Variants in LAMB1 observed in about 807,000 individuals in gnomAD.
LAMB1 encodes laminin subunit beta 1.
LAMB1 carries 121 observed loss-of-function variants against 222.3 expected under a neutral mutation model. That is an observed-to-expected ratio of 0.54 (90% CI 0.47 to 0.63). LAMB1 has a LOEUF of 0.63. Ranked by LOEUF, LAMB1 falls within the 30% of genes least tolerant of loss-of-function variation. The probability of loss-of-function intolerance (pLI) is 0.00; values close to 1 mark genes in which losing one functional copy is unlikely to be tolerated. For missense variants in LAMB1, 2,172 were observed against 2,240.8 expected (o/e 0.97, Z 0.62); for synonymous variants, 794 against 807.2 (o/e 0.98, Z 0.28).
intron 21 of LAMB1, among the ~76,000 whole-genome samples, chr7:107,954,683 C>A (rs192379260): frequency 1.3e-5 from 2 of 152,188 alleles, no homozygotes; most frequent in East Asian, 3.9e-4. Flanking sequence ...CCCAGCTACT[C>A]GGGAGGCTGA....
chr7:107,961,306 A>G lies in LAMB1; in HGVS notation c.2009T>C (p.Val670Ala), dbSNP rs20555. ...GSRYVVLPRP[V>A]CFEKGTNYTV... Reference sequence around the variant, plus strand: ...GTAGTTTGTTCCCTTCTCAAAGCACACCGGCCGAGGAAGGACGACATATCT... The same window carrying G: ...GTAGTTTGTTCCCTTCTCAAAGCACGCCGGCCGAGGAAGGACGACATATCT... Residue 670 changes from valine to alanine, a missense_variant, in exon 17 of 34, where the codon GTG becomes GCG. By Grantham distance (64) the Val-to-Ala change is moderately conservative (BLOSUM62 0). Coordinates refer to ENST00000222399, the MANE Select transcript of LAMB1 (RefSeq NM_002291.3). 3,692 of 1,614,078 alleles carry G rather than the reference A, an allele frequency of 2.3e-3. 67 individuals are homozygous for G. The African/African-American group carries it at 0.043, about 19-fold the overall frequency.
intron 26 of LAMB1, among the ~76,000 whole-genome samples, chr7:107,936,029 C>T (rs547234265): frequency 6.6e-6 from 1 of 152,300 alleles, no homozygotes; most frequent in Non-Finnish European, 1.5e-5. Flanking sequence ...AATATAGTAG[C>T]CCTCCATATT....
chr7:107,975,250 A>T lies in LAMB1; in HGVS notation c.1353T>A (p.Asp451Glu), dbSNP rs749111587. ...KEGFYDLSSEDPFGCKSCACN... is the reference protein window; with the variant it reads ...KEGFYDLSSEEPFGCKSCACN... ...CAGACCTACATTTACAACCAAATGG[A>T]TCTTCACTGCTTAAATCATAGAAGC... Residue 451 changes from aspartate to glutamate, a missense_variant, in exon 11 of 34, where the codon GAT becomes GAA. Transcript: ENST00000222399. The T allele has an allele frequency of 2.5e-6, 4 of 1,613,292 alleles. No individual in the cohort carries two copies. Among genetic ancestry groups the T allele is most frequent in the South Asian group, 2.2e-5 (2 of 90,838 alleles).
At chr7:107,932,552 C>G in intron 27 of LAMB1, 175 bp from the exon 28 acceptor site, 1 of 618,962 alleles carries the variant, frequency 1.6e-6, no homozygotes, top group Non-Finnish European at 2.9e-6. Context: ...TAGGAGTAAA[C>G]TAACCTGCTT....
At chr7:107,930,986 A>G (rs984393803) in intron 29 of LAMB1, among the ~76,000 whole-genome samples, 2 of 152,210 alleles carry the variant, frequency 1.3e-5, no homozygotes, top group African/African-American at 4.8e-5. Context: ...AACTATAGGT[A>G]TAATATCCTG....
At chr7:107,928,564 C>A (rs1218526925) in intron 31 of LAMB1, among the ~76,000 whole-genome samples, 2 of 151,562 alleles carry the variant, frequency 1.3e-5, no homozygotes, top group African/African-American at 4.9e-5. Flanking sequence ...GTGATCTCAG[C>A]TCATTGCAAC....
In LAMB1 at chr7:107,940,336, G is replaced by A; in HGVS notation, c.3414C>T (p.Gly1138=). Residue 1138 remains glycine, a synonymous_variant, in exon 25 of 34, where the codon GGC becomes GGT. Coordinates refer to ENST00000222399, the MANE Select transcript of LAMB1 (RefSeq NM_002291.3). ...ECRACDCDPR[G]IETPQCDQST... ...ACTGGTCACACTGTGGCGTCTCAATGCCCCTGGGGTCACAGTCACAGGCTA... is the reference window on the plus strand; with the variant it reads ...ACTGGTCACACTGTGGCGTCTCAATACCCCTGGGGTCACAGTCACAGGCTA... The A allele has an allele frequency of 6.2e-7, 1 of 1,613,634 alleles. No homozygotes were observed. The highest frequency in any genetic ancestry group is 8.5e-7 in the Non-Finnish European group (1 of 1,179,588).
intron 27 of LAMB1, 161 bp from the exon 28 acceptor site, chr7:107,932,538 A>T (rs1489477420): frequency 1.5e-6 from 1 of 647,344 alleles, no homozygotes; most frequent in Non-Finnish European, 2.7e-6. Flanking sequence ...AGGAGCAGAG[A>T]GTTTAGGAGT....
intron 13 of LAMB1, 135 bp downstream of exon 13, chr7:107,972,857 C>T (rs1002766574): frequency 2.0e-5 from 14 of 701,714 alleles, no homozygotes; most frequent in Non-Finnish European, 3.1e-5. Context: ...CATAGAGGTA[C>T]CTACACACAT....
At chr7:107,988,025 A>G (rs1158635674) in intron 5 of LAMB1, among the ~76,000 whole-genome samples, 1 of 152,270 alleles carries the variant, frequency 6.6e-6, no homozygotes. Context: ...CATGGATGAT[A>G]CAAAACACAG....
intron 13 of LAMB1, among the ~76,000 whole-genome samples, chr7:107,972,079 A>T (rs1172060935): frequency 1.3e-5 from 2 of 152,148 alleles, no homozygotes; most frequent in Admixed American, 6.5e-5. Context: ...TCCTCTCTGG[A>T]GGTTTTCTAA....
At chr7:107,943,863 C>A (rs2033053158) in intron 24 of LAMB1, among the ~76,000 whole-genome samples, 1 of 152,140 alleles carries the variant, frequency 6.6e-6, no homozygotes, top group South Asian at 2.1e-4. Flanking sequence ...GAAAGAGATA[C>A]CCTTCAAAAG....
At chr7:107,965,074 A>AC (rs1197934020) in intron 13 of LAMB1, among the ~76,000 whole-genome samples, 2 of 152,126 alleles carry the variant, frequency 1.3e-5, no homozygotes, top group African/African-American at 4.8e-5. Flanking sequence ...AGCATCCCAA[A>AC]CCAACGGATC....
At chr7:108,001,890 A>T (rs1178608280) in intron 2 of LAMB1, 157 bp from the exon 3 acceptor site, 8 of 1,471,104 alleles carry the variant, frequency 5.4e-6, no homozygotes, top group Non-Finnish European at 7.2e-6. Flanking sequence ...AGATGAGCGC[A>T]GGAGAGGCTG....
At chr7:107,977,790 T>C (rs1366194537) in intron 9 of LAMB1, among the ~76,000 whole-genome samples, 2 of 151,934 alleles carry the variant, frequency 1.3e-5, no homozygotes, top group Non-Finnish European at 2.9e-5. Flanking sequence ...ACAGATACAA[T>C]GTCAAGGACA....
intron 12 of LAMB1, among the ~76,000 whole-genome samples, chr7:107,973,464 C>G (rs746267858): frequency 2.6e-5 from 4 of 152,088 alleles, no homozygotes; most frequent in African/African-American, 9.7e-5. Flanking sequence ...CAATCCCATA[C>G]AGAAAGCCCT....
chr7:107,955,937 G>A (rs1168817215), intron 20 of LAMB1, among the ~76,000 whole-genome samples: 1 of 151,374 alleles, frequency 6.6e-6, no homozygotes, highest in African/African-American at 2.4e-5. Context: ...GCGCTCTGTT[G>A]CGCAGGCTGG....
intron 32 of LAMB1, among the ~76,000 whole-genome samples, chr7:107,925,163 C>T (rs1244780341): frequency 6.6e-6 from 1 of 152,110 alleles, no homozygotes; most frequent in Non-Finnish European, 1.5e-5. Context: ...GGGAAAGTTA[C>T]TCTTACGTAA....
At position 107,923,977 on chromosome 7, in the gene LAMB1, C is replaced by G; in HGVS notation, c.5335G>C (p.Val1779Leu). The part of the protein sequence containing the change: ...RSLLKDISQK[V>L]AVYSTCL ...TACAAGCATGTGCTATACACAGCAA[C>G]TTTCTGGCTTATATCCTTTAGGAGT... The change falls in exon 34 of 34, where the codon GTT (valine) becomes CTT (leucine). Residue 1779 changes from valine to leucine, a missense_variant. Val to Leu is a conservative substitution (Grantham distance 32). Transcript: ENST00000222399. 3 of 1,609,748 alleles carry G rather than the reference C, an allele frequency of 1.9e-6. No individual in the cohort carries two copies. Among genetic ancestry groups the G allele is most frequent in the Non-Finnish European group, 2.5e-6 (3 of 1,178,922 alleles).
Sources: allele counts gnomAD v4.1 joint callset (sites outside exome capture counted in the v4.1 genomes callset), GRCh38; gene constraint gnomAD v4.1.1; transcripts MANE v1.5; gene names NCBI Gene and HGNC (gene_info 2026-07-23, HGNC 2026-07-21).